The following P2RX7 variants were observed in gnomAD, a reference collection of about 807,000 sequenced individuals.
The protein encoded by P2RX7 is P2X purinoceptor 7.
In P2RX7, 62 loss-of-function variants were observed where a neutral mutation model predicts 71.6. The observed-to-expected ratio is 0.87, with a 90% confidence interval of 0.71 to 1.07. P2RX7 has a LOEUF of 1.07. Among genes scored for constraint, P2RX7 ranks in the 50% least tolerant of loss-of-function variants. The pLI, the probability that P2RX7 is intolerant of heterozygous loss-of-function variation, is 0.00. For synonymous variants in P2RX7, 299 were observed against 283.3 expected (o/e 1.06, Z -0.56); for missense variants, 686 against 748.5 (o/e 0.92, Z 0.97).
chr12:121,159,540 G>A (rs979275610), intron 3 of P2RX7, among the ~76,000 whole-genome samples: 1 of 151,980 alleles, frequency 6.6e-6, no homozygotes, highest in African/African-American at 2.4e-5. Flanking sequence ...ATATACCTGG[G>A]TCCAAGACCT....
intron 8 of P2RX7, among the ~76,000 whole-genome samples, chr12:121,168,128 A>G (rs576051782): frequency 5.3e-5 from 8 of 152,140 alleles, no homozygotes; most frequent in East Asian, 1.9e-4. Context: ...TAGCATATAT[A>G]TATATATCTT....
At chr12:121,183,554 G>C (rs1476737445) in intron 12 of P2RX7, among the ~76,000 whole-genome samples, 3 of 141,342 alleles carry the variant, frequency 2.1e-5, no homozygotes, top group East Asian at 2.1e-4. Context: ...CTGGGAGACA[G>C]AGCAAGACTC....
rs560042520 is a variant in P2RX7 at position 121,145,689 on chromosome 12, G to A, written c.126-9096G>A. Reference sequence around the variant, plus strand: ...ACCCGCCTAATTTTTTGTATTTTTAGTAGAGACGGGGTTTCACCATGTTGG... The same window carrying A: ...ACCCGCCTAATTTTTTGTATTTTTAATAGAGACGGGGTTTCACCATGTTGG... On this transcript the variant is annotated intron_variant, in intron 1 of 12. Coordinates refer to ENST00000328963, the MANE Select transcript of P2RX7 (RefSeq NM_002562.6). Among the ~76,000 whole-genome samples the A allele has an allele frequency of 5.5e-3, 841 of 152,030 alleles. 10 individuals are homozygous for A. The highest frequency in any genetic ancestry group is 6.0e-3 in the Non-Finnish European group (407 of 67,960).
chr12:121,134,989 C>T (rs1873236748), intron 1 of P2RX7, among the ~76,000 whole-genome samples: 1 of 152,092 alleles, frequency 6.6e-6, no homozygotes, highest in Non-Finnish European at 1.5e-5. Flanking sequence ...ATGAACAGCC[C>T]TTATCATGAT....
intron 1 of P2RX7, among the ~76,000 whole-genome samples, chr12:121,152,759 C>A (rs1877714201): frequency 6.6e-6 from 1 of 152,244 alleles, no homozygotes; most frequent in South Asian, 2.1e-4. Context: ...CTCAGGTGAT[C>A]CATCCGCCTT....
Position 121,167,608 on chromosome 12 carries a change from C to T in P2RX7, c.865C>T (p.Pro289Ser). 2 of 1,591,870 alleles carry T rather than the reference C, an allele frequency of 1.3e-6. No individual in the cohort carries two copies. The highest frequency in any genetic ancestry group is 1.7e-6 in the Non-Finnish European group (2 of 1,167,888). Residue 289 changes from proline (P) to serine (S), a missense_variant, in exon 8 of 13, where the codon CCT becomes TCT. Physicochemically the swap from Pro to Ser is moderately conservative, Grantham distance 74 (BLOSUM62 -1). Transcript: ENST00000328963. ...CAAGACCACCAACGTGTCCTTGTAC[C>T]CTGGCTACAACTTCAGGTAACTCCA... Reference protein sequence around the residue: ...DDKTTNVSLYPGYNFRYAKYY... With the variant: ...DDKTTNVSLYSGYNFRYAKYY...
At chr12:121,181,476 T>G (rs1453904329) in intron 12 of P2RX7, among the ~76,000 whole-genome samples, 1 of 152,158 alleles carries the variant, frequency 6.6e-6, no homozygotes, top group African/African-American at 2.4e-5. Context: ...AAAATGGTTG[T>G]TCACATTTGC....
chr12:121,177,097 G>T (rs777212405), intron 9 of P2RX7, 50 bp from the exon 10 acceptor site: 1 of 1,528,208 alleles, frequency 6.5e-7, no homozygotes, highest in African/African-American at 1.4e-5. Flanking sequence ...TGAAGCAAAA[G>T]AGCGTTGCTC....
At position 121,132,950 on chromosome 12, in the gene P2RX7, G is replaced by A. The variant is rs201715081; in HGVS notation, c.-21G>A. 1.7e-5 allele frequency: 27 copies of A among 1,613,028 alleles called. No individual in the cohort carries two copies. The highest frequency in any genetic ancestry group is 6.7e-5 in the East Asian group (3 of 44,892). ...GAGTAGAGCTCTGGTCCAGCTCCGC[G>A]CAGGGAGGGAGGCTGTCACCATGCC... is the stretch of plus-strand genomic sequence containing the variant. On this transcript the variant is annotated 5_prime_UTR_variant, in exon 1 of 13. Coordinates refer to ENST00000328963, the MANE Select transcript of P2RX7 (RefSeq NM_002562.6).
At chr12:121,135,822 G>T (rs1031934357) in intron 1 of P2RX7, among the ~76,000 whole-genome samples, 1 of 150,600 alleles carries the variant, frequency 6.6e-6, no homozygotes, top group African/African-American at 2.4e-5. Context: ...GGCCAACGTG[G>T]TGGAAACTCC....
chr12:121,136,023 A>AAAATATATATAT, intron 1 of P2RX7, among the ~76,000 whole-genome samples: 1 of 15,262 alleles, frequency 6.6e-5, no homozygotes, highest in South Asian at 5.4e-3. Context: ...AAAAAAAAAA[A>AAAATATATATAT]ATATATATAT....
At chr12:121,153,335 G>A (rs1438011142) in intron 1 of P2RX7, among the ~76,000 whole-genome samples, 1 of 152,180 alleles carries the variant, frequency 6.6e-6, no homozygotes, top group Admixed American at 6.5e-5. Context: ...TGAGCAGATA[G>A]AAGGGACTAA....
intron 1 of P2RX7, among the ~76,000 whole-genome samples, chr12:121,147,599 T>TTTTG (rs1555223826): frequency 0.055 from 8,286 of 151,642 alleles, 377 homozygotes; most frequent in East Asian, 0.26. Flanking sequence ...GGCAGTTTTT[T>TTTTG]TTGTTGTTGT....
chr12:121,163,372 A>ACG (rs146311100), intron 5 of P2RX7, among the ~76,000 whole-genome samples: 34,077 of 151,334 alleles, frequency 0.23, 4,386 homozygotes, highest in East Asian at 0.32. Flanking sequence ...ACACACACAC[A>ACG]CACACAATCT....
chr12:121,160,137 T>TCTTC (rs747004833), intron 3 of P2RX7, among the ~76,000 whole-genome samples: 3 of 151,636 alleles, frequency 2.0e-5, no homozygotes, highest in Non-Finnish European at 2.9e-5. Context: ...TTTCTTTCTT[T>TCTTC]CTTCCTTCCT....
At chr12:121,139,336 T>G (rs1874347120) in intron 1 of P2RX7, among the ~76,000 whole-genome samples, 1 of 152,234 alleles carries the variant, frequency 6.6e-6, no homozygotes, top group Non-Finnish European at 1.5e-5. Context: ...CTTTGGAGGA[T>G]TTCCCTCTTC....
In P2RX7 at chr12:121,188,012, T is replaced by TA. The variant is rs1565987114; in HGVS notation, c.*3217dup. The TA allele has an allele frequency of 6.6e-6, 1 of 152,044 alleles. No homozygotes were observed. The highest frequency in any genetic ancestry group is 2.1e-4 in the South Asian group (1 of 4,826). The allele number at this position is 152,044 out of a possible 1,614,324, so 9.4% of individuals were successfully genotyped here. A position where few individuals can be genotyped will look rare whatever the true frequency, so the allele number is the denominator to read the frequency against. ...TCCTTAATGTGACTGTTTTGATAAT[T>TA]AAAAAAAGGTATATAATTTATTTAA... On this transcript the variant is annotated 3_prime_UTR_variant, in exon 13 of 13. Transcript: ENST00000328963.
chr12:121,156,240 A>T (rs1878555638), intron 3 of P2RX7, 93 bp downstream of exon 3: 1 of 1,016,266 alleles, frequency 9.8e-7, no homozygotes, highest in African/African-American at 1.6e-5. Context: ...CCTGGGGTGT[A>T]TTTGAGCCCA....
intron 1 of P2RX7, among the ~76,000 whole-genome samples, chr12:121,148,765 C>T (rs1481907205): frequency 6.6e-6 from 1 of 152,178 alleles, no homozygotes; most frequent in Non-Finnish European, 1.5e-5. Context: ...TGAGCCCCCA[C>T]CATGGCCGGG....
Sources: allele counts gnomAD v4.1 joint callset (sites outside exome capture counted in the v4.1 genomes callset), GRCh38; gene constraint gnomAD v4.1.1; transcripts MANE v1.5; gene names NCBI Gene and HGNC (gene_info 2026-07-23, HGNC 2026-07-21).